Variants in GALNT5 observed in about 807,000 individuals in gnomAD.
GALNT5 encodes UDP-GalNAc:polypeptide N-acetylgalactosaminyltransferase 5.
GALNT5 carries 72 observed loss-of-function variants against 85.4 expected under a neutral mutation model. The observed-to-expected ratio is 0.84, with a 90% CI of 0.70 to 1.03. GALNT5 has a LOEUF of 1.03. Ranked by LOEUF, GALNT5 falls within the 50% of genes least tolerant of loss-of-function variation. The probability of loss-of-function intolerance (pLI) is 0.00; values close to 1 mark genes in which losing one functional copy is unlikely to be tolerated. For synonymous variants in GALNT5, 404 were observed against 397.0 expected (o/e 1.02, Z -0.21); for missense variants, 1,137 against 1,135.5 (o/e 1.00, Z -0.02).
intron 1 of GALNT5, among the ~76,000 whole-genome samples, chr2:157,271,005 A>C (rs555878884): frequency 3.9e-5 from 6 of 152,124 alleles, no homozygotes; most frequent in African/African-American, 1.2e-4. Context: ...AGTCCCAGCT[A>C]CTCAGGAGGC....
rs1017633434 is a variant in GALNT5 at position 157,257,912 on chromosome 2, C to A, written c.-171C>A. On this transcript the variant is annotated 5_prime_UTR_variant, in exon 1 of 10. Coordinates refer to ENST00000259056, the MANE Select transcript of GALNT5 (RefSeq NM_014568.3). ...TGCCACGCAGGCAGAGACTGACAAG[C>A]GGTAGGAACTGAGCTTTCCCCTTGG... 6 of 659,826 alleles carry A rather than the reference C, an allele frequency of 9.1e-6. No homozygotes were observed. The Admixed American group carries it at 1.3e-4, about 15-fold the overall frequency. The allele number at this position is 659,826 out of a possible 1,614,324, so 40.9% of individuals were successfully genotyped here.
At chr2:157,299,398 C>T in intron 5 of GALNT5, 150 bp from the exon 6 acceptor site, 1 of 594,948 alleles carries the variant, frequency 1.7e-6, no homozygotes, top group Non-Finnish European at 3.0e-6. Flanking sequence ...ATCACTTAAG[C>T]CCTATTTGTG....
Position 157,258,565 on chromosome 2 carries a change from G to A in GALNT5, c.483G>A (p.Lys161=). The change falls in exon 1 of 10, where the codon AAG becomes AAA. Residue 161 remains lysine, a synonymous_variant. Coordinates refer to ENST00000259056, the MANE Select transcript of GALNT5 (RefSeq NM_014568.3). ...PEASSHQGTP[K]QTTAQGAPKT... ...CCTCCTCTCACCAGGGGACACCAAA[G>A]CAAACGACAGCTCAGGGGGCTCCAA... 6.2e-7 allele frequency: 1 copy of A among 1,613,016 alleles called. No homozygotes were observed. Among genetic ancestry groups the A allele is most frequent in the Non-Finnish European group, 8.5e-7 (1 of 1,179,844 alleles).
At chr2:157,264,018 T>C (rs1403319296) in intron 1 of GALNT5, among the ~76,000 whole-genome samples, 1 of 152,244 alleles carries the variant, frequency 6.6e-6, no homozygotes, top group Non-Finnish European at 1.5e-5. Flanking sequence ...AACTTCATTG[T>C]TGCCTAGAAA....
chr2:157,258,809 A>G lies in GALNT5; in HGVS notation c.727A>G (p.Ser243Gly), dbSNP rs1163315991. ...AVANERAHPA[S>G]TAVPKSGEAM... is the part of the protein sequence containing the mutation. Reference sequence around the variant, plus strand: ...AGCAAACGAGAGGGCACACCCTGCCAGCACAGCAGTGCCGAAGTCTGGGGA... The same window carrying G: ...AGCAAACGAGAGGGCACACCCTGCCGGCACAGCAGTGCCGAAGTCTGGGGA... Residue 243 changes from serine (S) to glycine (G), a missense_variant, in exon 1 of 10, where the codon AGC (serine) becomes GGC (glycine). Transcript: ENST00000259056. The G allele has an allele frequency of 6.2e-7, 1 of 1,600,236 alleles. No homozygotes were observed. The highest frequency in any genetic ancestry group is 1.3e-5 in the African/African-American group (1 of 74,612).
chr2:157,260,520 C>T (rs374513463), intron 1 of GALNT5, among the ~76,000 whole-genome samples: 1 of 152,160 alleles, frequency 6.6e-6, no homozygotes, highest in Non-Finnish European at 1.5e-5. Context: ...TGAAGGTACT[C>T]AACAGCCGTA....
At chr2:157,273,265 G>A (rs1438139272) in intron 1 of GALNT5, among the ~76,000 whole-genome samples, 1 of 152,140 alleles carries the variant, frequency 6.6e-6, no homozygotes, top group South Asian at 2.1e-4. Flanking sequence ...ACATTTCAGA[G>A]TCTAAAGTTT....
Position 157,300,805 on chromosome 2 carries a change from G to A in GALNT5, c.2245G>A (p.Ala749Thr). The A allele has an allele frequency of 6.2e-7, 1 of 1,614,128 alleles. No homozygotes were observed. The highest frequency in any genetic ancestry group is 8.5e-7 in the Non-Finnish European group (1 of 1,180,014). Residue 749 changes from alanine (A) to threonine (T), a missense_variant, in exon 7 of 10, where the codon GCC becomes ACC. Transcript: ENST00000259056. Reference protein sequence around the residue: ...KTVERNLVRVAEVWLDEYKEL... With the variant: ...KTVERNLVRVTEVWLDEYKEL... ...AGTGGAGCGGAACTTGGTGCGGGTT[G>A]CCGAGGTCTGGCTGGATGAGTATAA...
At chr2:157,278,940 C>T (rs964202259) in intron 1 of GALNT5, among the ~76,000 whole-genome samples, 12 of 152,210 alleles carry the variant, frequency 7.9e-5, no homozygotes, top group African/African-American at 2.9e-4. Context: ...GGTTTCTCCC[C>T]ATCTTTGTGG....
intron 8 of GALNT5, 99 bp downstream of exon 8, chr2:157,305,928 T>C: frequency 1.4e-6 from 1 of 691,310 alleles, no homozygotes; most frequent in South Asian, 1.8e-5. Context: ...AACAGAAAAA[T>C]AATTTTCTAA....
At chr2:157,273,339 A>G (rs1386618396) in intron 1 of GALNT5, among the ~76,000 whole-genome samples, 1 of 152,112 alleles carries the variant, frequency 6.6e-6, no homozygotes, top group Admixed American at 6.5e-5. Context: ...CAAATAGACC[A>G]ATTTTTTAGT....
At position 157,259,363 on chromosome 2, in the gene GALNT5, T is replaced by A; in HGVS notation, c.1281T>A (p.Asp427Glu). ...DSGTHQVLRI[D>E]VTLSPRDPKA... ...GAACGCACCAGGTGTTAAGAATTGATGTGACACTTTCTCCAAGGGACCCCA... is the reference window on the plus strand; with the variant it reads ...GAACGCACCAGGTGTTAAGAATTGAAGTGACACTTTCTCCAAGGGACCCCA... The change falls in exon 1 of 10, where the codon GAT becomes GAA. Residue 427 changes from aspartate (D) to glutamate (E), a missense_variant. Physicochemically the swap from Asp to Glu is conservative, Grantham distance 45. Transcript: ENST00000259056. 6.6e-7 allele frequency: 1 copy of A among 1,514,792 alleles called. No individual in the cohort carries two copies. The highest frequency in any genetic ancestry group is 8.9e-7 in the Non-Finnish European group (1 of 1,129,072). 93.8% of individuals were successfully genotyped at this position (1,514,792 alleles called of 1,614,324 possible).
chr2:157,295,742 A>C lies in GALNT5; in HGVS notation c.1821A>C (p.Leu607Phe), dbSNP rs1348168773. ...AACCTCTTCTGGAAAGAGTTTATTT[A>C]AGTAGAAAGAAAGTGGCCTGTCCAG... ...WLEPLLERVY[L>F]SRKKVACPVI... is the part of the protein sequence containing the mutation. The change falls in exon 4 of 10, where the codon TTA (leucine) becomes TTC (phenylalanine). Residue 607 changes from leucine to phenylalanine, a missense_variant. By Grantham distance (22) the Leu-to-Phe change is conservative. Transcript: ENST00000259056. The C allele has an allele frequency of 3.1e-6, 5 of 1,609,700 alleles. No homozygotes were observed. The highest frequency in any genetic ancestry group is 4.3e-6 in the Non-Finnish European group (5 of 1,176,180).
chr2:157,274,989 T>C, intron 1 of GALNT5, among the ~76,000 whole-genome samples: 1 of 152,232 alleles, frequency 6.6e-6, no homozygotes, highest in Non-Finnish European at 1.5e-5. Context: ...CTTTAATCCA[T>C]CTTGAATTAA....
At chr2:157,300,285 G>C (rs1340431083) in intron 6 of GALNT5, among the ~76,000 whole-genome samples, 1 of 152,184 alleles carries the variant, frequency 6.6e-6, no homozygotes, top group Non-Finnish European at 1.5e-5. Flanking sequence ...GGATGGTTTT[G>C]AGTTGTGTTC....
Position 157,317,126 on chromosome 2 carries a change from T to C in GALNT5, c.*5778T>C, listed in dbSNP as rs1683723711. On this transcript the variant is annotated 3_prime_UTR_variant, in exon 10 of 10. Coordinates refer to ENST00000259056, the MANE Select transcript of GALNT5 (RefSeq NM_014568.3). ...TTCATAGCATGAATAGATTTTTAAG[T>C]GACCACTCAAAAACATAGCAATTTT... 6.7e-6 allele frequency among the ~76,000 whole-genome samples: 1 copy of C among 149,594 alleles called. No individual in the cohort carries two copies. Among genetic ancestry groups the C allele is most frequent in the Non-Finnish European group, 1.5e-5 (1 of 67,462 alleles).
rs776179160 is a variant in GALNT5, at chr2:157,299,577, C to G, written c.2027C>G (p.Ser676Cys). Residue 676 changes from serine to cysteine, a missense_variant, in exon 6 of 10, where the codon TCT becomes TGT. Coordinates refer to ENST00000259056, the MANE Select transcript of GALNT5 (RefSeq NM_014568.3). ...RCPVMAGGLF[S>C]IDKSYFFELG... ...CCTGTCATGGCTGGTGGATTGTTTT[C>G]TATTGACAAAAGTTACTTTTTTGAA... The G allele has an allele frequency of 1.2e-6, 2 of 1,612,480 alleles. No individual in the cohort carries two copies. The highest frequency in any genetic ancestry group is 2.7e-5 in the African/African-American group (2 of 74,890).
In GALNT5 at chr2:157,305,811, C is replaced by A. The variant is rs201662250; in HGVS notation, c.2502C>A (p.Asp834Glu). The A allele has an allele frequency of 4.9e-4, 780 of 1,601,932 alleles. 1 individual carries two copies. The highest frequency in any genetic ancestry group is 5.9e-4 in the Non-Finnish European group (691 of 1,169,114). The stretch of plus-strand genomic sequence containing the variant: ...AAAACACTACAGTCATTCTGGAAGA[C>A]TGCGATGGGAGCAAAGAGGTATGCT... Reference protein sequence around the residue: ...SIENTTVILEDCDGSKELQQF... With the variant: ...SIENTTVILEECDGSKELQQF... Residue 834 changes from aspartate to glutamate, a missense_variant, in exon 8 of 10, where the codon GAC becomes GAA. Physicochemically the swap from Asp to Glu is conservative, Grantham distance 45 (BLOSUM62 2). Transcript: ENST00000259056.
rs760141482 is a variant in GALNT5 at position 157,311,203 on chromosome 2, TC to T, written c.2683-3del. On this transcript the variant is annotated splice_region_variant and splice_polypyrimidine_tract_variant and intron_variant, in intron 9 of 9. Transcript: ENST00000259056. ...GGCTCATTCCCAGCTCTTCTTTCTC[TC>T]CAGGTGAATCACATTGTTTTTGAAA... 20 of 1,607,274 alleles carry T rather than the reference TC, an allele frequency of 1.2e-5. 1 individual carries two copies. Among genetic ancestry groups the T allele is most frequent in the Middle Eastern group, 1.7e-4 (1 of 6,050 alleles).
Sources: gnomAD v4.1 joint callset for allele counts (sites outside exome capture counted in the v4.1 genomes callset) on GRCh38, gnomAD v4.1.1 for gene constraint, MANE v1.5 for transcripts, NCBI Gene and HGNC (gene_info 2026-07-23, HGNC 2026-07-21) for gene names.